The following VAV2 variants were observed in gnomAD, a reference collection of about 807,000 sequenced individuals.
VAV2 encodes guanine nucleotide exchange factor VAV2.
In VAV2, 67 loss-of-function variants were observed where a neutral mutation model predicts 132.5. That is an observed-to-expected ratio of 0.51 (90% CI 0.42 to 0.62). The LOEUF (loss-of-function observed/expected upper bound fraction) is 0.62. Ranked by LOEUF, VAV2 falls within the 20% of genes least tolerant of loss-of-function variation. The probability of loss-of-function intolerance (pLI) is 0.00; values close to 1 mark genes in which losing one functional copy is unlikely to be tolerated. For missense variants in VAV2, 938 were observed against 1,153.6 expected, an observed-to-expected ratio of 0.81 and a Z score of 2.71; for synonymous variants, 492 against 443.5, an observed-to-expected ratio of 1.11 and a Z score of -1.37.
At chr9:133,889,761 CA>C (rs796512675) in intron 2 of VAV2, among the ~76,000 whole-genome samples, 6 of 151,650 alleles carry the variant, frequency 4.0e-5, no homozygotes, top group African/African-American at 1.5e-4. Context: ...CACACACACA[CA>C]AAAAATTTTT....
chr9:133,947,225 G>A (rs1353843318), intron 1 of VAV2, among the ~76,000 whole-genome samples: 1 of 152,262 alleles, frequency 6.6e-6, no homozygotes, highest in Admixed American at 6.5e-5. Flanking sequence ...GGTAGGGTCT[G>A]GCCTCGACCC....
intron 4 of VAV2, among the ~76,000 whole-genome samples, chr9:133,827,740 A>G (rs78776194): frequency 0.24 from 851 of 3,564 alleles, 84 homozygotes; most frequent in East Asian, 0.52. Flanking sequence ...CACGGGCATC[A>G]CCACCTACCG....
chr9:133,924,777 G>A (rs1840415353), intron 2 of VAV2, among the ~76,000 whole-genome samples: 1 of 152,336 alleles, frequency 6.6e-6, no homozygotes, highest in Non-Finnish European at 1.5e-5. Flanking sequence ...AGGACTAAAT[G>A]ACCATGAATA....
At chr9:133,967,277 G>A (rs1357673570) in intron 1 of VAV2, among the ~76,000 whole-genome samples, 1 of 152,156 alleles carries the variant, frequency 6.6e-6, no homozygotes, top group Non-Finnish European at 1.5e-5. Context: ...CAAGGATGTG[G>A]AGAAAGGGGA....
chr9:133,846,094 C>T (rs1384699193), intron 3 of VAV2, among the ~76,000 whole-genome samples: 1 of 152,166 alleles, frequency 6.6e-6, no homozygotes, highest in East Asian at 1.9e-4. Flanking sequence ...CTGAAGCTCC[C>T]GATAGCCCCA....
chr9:133,858,229 C>CTG (rs1311755324), intron 3 of VAV2, among the ~76,000 whole-genome samples: 1 of 152,202 alleles, frequency 6.6e-6, no homozygotes, highest in Non-Finnish European at 1.5e-5. Flanking sequence ...TATGGTGGGG[C>CTG]TGTGGGCATG....
At position 133,953,202 on chromosome 9, in the gene VAV2, G is replaced by A. The variant is rs144163656; in HGVS notation, c.205-13983C>T. ...GCTGACACCTTGGTTTCAGGCTCGC[G>A]GCCTCCAGGGCTGCTGCTGGAAGGC... On this transcript the variant is annotated intron_variant, in intron 1 of 29. Coordinates refer to ENST00000371850, the MANE Select transcript of VAV2 (RefSeq NM_001134398.2). Among the ~76,000 whole-genome samples the A allele has an allele frequency of 6.8e-3, 1,036 of 152,328 alleles. 7 individuals are homozygous for A. The highest frequency in any genetic ancestry group is 9.4e-3 in the African/African-American group (392 of 41,576).
intron 4 of VAV2, among the ~76,000 whole-genome samples, chr9:133,818,222 C>A (rs1025077728): frequency 6.6e-6 from 1 of 152,022 alleles, no homozygotes; most frequent in Non-Finnish European, 1.5e-5. Context: ...AAAAATTAGC[C>A]AGGCATGGTG....
At chr9:133,904,678 G>A (rs972009222) in intron 2 of VAV2, among the ~76,000 whole-genome samples, 66 of 152,204 alleles carry the variant, frequency 4.3e-4, no homozygotes, top group Admixed American at 3.5e-3. Flanking sequence ...CGGGGCCGTC[G>A]GGTGCCAGGT....
At chr9:133,886,902 C>T (rs910070565) in intron 2 of VAV2, among the ~76,000 whole-genome samples, 15 of 152,344 alleles carry the variant, frequency 9.8e-5, no homozygotes, top group African/African-American at 3.6e-4. Context: ...GTGTGTTCCA[C>T]TCTTCCAAGA....
chr9:133,775,088 T>C (rs993927854), intron 24 of VAV2, 37 bp from the exon 25 acceptor site: 1 of 1,551,242 alleles, frequency 6.4e-7, no homozygotes, highest in Non-Finnish European at 8.7e-7. Context: ...AGAGCCGCAG[T>C]GAGGACAGTG....
intron 2 of VAV2, among the ~76,000 whole-genome samples, chr9:133,900,520 C>T (rs919747722): frequency 6.6e-6 from 1 of 151,988 alleles, no homozygotes; most frequent in African/African-American, 2.4e-5. Flanking sequence ...CCTGACCTAC[C>T]TTGTTTGACT....
chr9:133,946,698 G>T (rs1301581525), intron 1 of VAV2, among the ~76,000 whole-genome samples: 1 of 152,198 alleles, frequency 6.6e-6, no homozygotes, highest in East Asian at 1.9e-4. Context: ...TGGCAGCTGA[G>T]GATGTCTTTG....
In VAV2 at chr9:133,992,226, G is replaced by A. The variant is rs762723809; in HGVS notation, c.53C>T (p.Pro18Leu). The change falls in exon 1 of 30, where the codon CCG becomes CTG. Residue 18 changes from proline (P) to leucine (L), a missense_variant. Pro to Leu is a moderately conservative substitution (Grantham distance 98). Transcript: ENST00000371850. The surrounding 1 kb of genome is among the most constrained non-coding windows in gnomAD (Gnocchi z 5.5). Reference sequence around the variant, plus strand: ...GGGCCACACCACCCGGTGGTTGGGCGGCAGGACCTTGCAATCGATGAGCCA... The same window carrying A: ...GGGCCACACCACCCGGTGGTTGGGCAGCAGGACCTTGCAATCGATGAGCCA... ...GRWLIDCKVL[P>L]PNHRVVWPSA... 2.5e-6 allele frequency: 4 copies of A among 1,590,836 alleles called. No individual in the cohort carries two copies. The highest frequency in any genetic ancestry group is 2.7e-5 in the African/African-American group (2 of 73,240).
intron 7 of VAV2, among the ~76,000 whole-genome samples, chr9:133,808,641 C>T (rs1375007101): frequency 6.6e-6 from 1 of 152,202 alleles, no homozygotes; most frequent in Non-Finnish European, 1.5e-5. Context: ...TCCCAGCCCC[C>T]CATGGAAGCT....
intron 3 of VAV2, among the ~76,000 whole-genome samples, chr9:133,852,171 T>A (rs1837214226): frequency 6.6e-6 from 1 of 150,504 alleles, no homozygotes; most frequent in Non-Finnish European, 1.5e-5. Context: ...GGTGGGTGGG[T>A]AGATGTAGCG....
At chr9:133,909,277 C>T (rs1271269869) in intron 2 of VAV2, among the ~76,000 whole-genome samples, 1 of 152,100 alleles carries the variant, frequency 6.6e-6, no homozygotes, top group East Asian at 1.9e-4. Flanking sequence ...ATGTGAGCGG[C>T]CTCCCCCAAG....
intron 4 of VAV2, among the ~76,000 whole-genome samples, chr9:133,822,539 G>A (rs1218175387): frequency 2.0e-5 from 3 of 152,142 alleles, no homozygotes; most frequent in South Asian, 2.1e-4. Context: ...GTTCTCACAC[G>A]CCCTGGCAGA....
intron 2 of VAV2, among the ~76,000 whole-genome samples, chr9:133,899,620 G>C (rs956611615): frequency 1.3e-5 from 2 of 150,424 alleles, no homozygotes; most frequent in Admixed American, 1.3e-4. Flanking sequence ...ACGTTGACTA[G>C]GCTGGTCTCG....
Sources: gnomAD v4.1 joint callset for allele counts (sites outside exome capture counted in the v4.1 genomes callset) on GRCh38, gnomAD v4.1.1 for gene constraint, Gnocchi (gnomAD v3.1) non-coding constraint, MANE v1.5 for transcripts, NCBI Gene and HGNC (gene_info 2026-07-23, HGNC 2026-07-21) for gene names.